The following PLCB1 variants were observed in gnomAD, a reference collection of about 807,000 sequenced individuals.
PLCB1 encodes phospholipase C beta 1.
PLCB1 carries 46 observed loss-of-function variants against 161.8 expected under a neutral mutation model. That is an observed-to-expected ratio of 0.28 (90% CI 0.22 to 0.36). The LOEUF (loss-of-function observed/expected upper bound fraction) is 0.36, where lower values mean the gene tolerates loss of function less well. Among genes scored for constraint, PLCB1 ranks in the 10% least tolerant of loss-of-function variants. The pLI is 1.00. For missense variants in PLCB1, 1,016 were observed against 1,472.5 expected, an observed-to-expected ratio of 0.69 and a Z score of 5.07; for synonymous variants, 517 against 503.7, an observed-to-expected ratio of 1.03 and a Z score of -0.35.
chr20:8,713,937 C>G (rs887163556), intron 12 of PLCB1, among the ~76,000 whole-genome samples: 7 of 152,070 alleles, frequency 4.6e-5, no homozygotes, highest in African/African-American at 1.7e-4. Context: ...GGACATCTCC[C>G]TTAAATTCCT....
chr20:8,309,920 A>G (rs1403302002), intron 2 of PLCB1, among the ~76,000 whole-genome samples: 3 of 152,166 alleles, frequency 2.0e-5, no homozygotes, highest in African/African-American at 7.2e-5. Flanking sequence ...TCTTCAGGTT[A>G]TATATTGCTA....
chr20:8,573,197 G>A (rs1986575475), intron 3 of PLCB1, among the ~76,000 whole-genome samples: 1 of 152,168 alleles, frequency 6.6e-6, no homozygotes, highest in South Asian at 2.1e-4. Context: ...CAAGCAAGAT[G>A]AGAAAGGAAA....
At chr20:8,190,655 T>C (rs1162730429) in intron 2 of PLCB1, among the ~76,000 whole-genome samples, 2 of 152,098 alleles carry the variant, frequency 1.3e-5, no homozygotes, top group Non-Finnish European at 2.9e-5. Context: ...TGGTCTAAAT[T>C]GCCTTCTATT....
At chr20:8,289,711 A>C (rs1983296340) in intron 2 of PLCB1, among the ~76,000 whole-genome samples, 1 of 152,016 alleles carries the variant, frequency 6.6e-6, no homozygotes, top group Admixed American at 6.6e-5. Flanking sequence ...CCTCTGGTGG[A>C]TCTCACAGTG....
intron 2 of PLCB1, among the ~76,000 whole-genome samples, chr20:8,240,114 C>T (rs953781222): frequency 3.3e-5 from 5 of 151,494 alleles, no homozygotes; most frequent in East Asian, 1.9e-4. Flanking sequence ...ATTTTTAAAA[C>T]GAATTGTAAT....
At chr20:8,685,651 C>T (rs1252376852) in intron 10 of PLCB1, among the ~76,000 whole-genome samples, 3 of 150,680 alleles carry the variant, frequency 2.0e-5, no homozygotes, top group Non-Finnish European at 4.4e-5. Flanking sequence ...GCAGGAGAAT[C>T]ACCTGAACCC....
chr20:8,327,309 C>T (rs1231180355), intron 2 of PLCB1, among the ~76,000 whole-genome samples: 2 of 152,184 alleles, frequency 1.3e-5, no homozygotes, highest in African/African-American at 4.8e-5. Flanking sequence ...ACTTGTATGT[C>T]TGAACATGGG....
Position 8,612,875 on chromosome 20 carries a change from A to C in PLCB1, c.247-15419A>C, listed in dbSNP as rs150349096. 3.3e-3 allele frequency among the ~76,000 whole-genome samples: 495 copies of C among 152,290 alleles called. 4 individuals are homozygous for C. The highest frequency in any genetic ancestry group is 0.011 in the African/African-American group (465 of 41,558). On this transcript the variant is annotated intron_variant, in intron 3 of 31. Transcript: ENST00000338037. ...CTGAGACAATCTGAAGAAAGTCACCATCTGTTAATGACTTTTCAGGAAGAA... is the reference window on the plus strand; with the variant it reads ...CTGAGACAATCTGAAGAAAGTCACCCTCTGTTAATGACTTTTCAGGAAGAA...
intron 3 of PLCB1, among the ~76,000 whole-genome samples, chr20:8,524,828 C>G (rs1456694952): frequency 3.3e-5 from 5 of 152,248 alleles, no homozygotes; most frequent in Non-Finnish European, 5.9e-5. Flanking sequence ...CTGAGTAACT[C>G]AAACCCTCTC....
intron 10 of PLCB1, among the ~76,000 whole-genome samples, chr20:8,687,545 C>T (rs1990387673): frequency 6.6e-6 from 1 of 152,118 alleles, no homozygotes; most frequent in Non-Finnish European, 1.5e-5. Context: ...CCTTTGCGTC[C>T]TCATAGCTTA....
At chr20:8,725,461 T>C (rs1272542685) in intron 16 of PLCB1, among the ~76,000 whole-genome samples, 4 of 152,120 alleles carry the variant, frequency 2.6e-5, no homozygotes, top group African/African-American at 4.8e-5. Flanking sequence ...TTTGCCTAAA[T>C]GTACTAGCTT....
chr20:8,698,588 C>T (rs1001853464), intron 11 of PLCB1, among the ~76,000 whole-genome samples: 1 of 152,074 alleles, frequency 6.6e-6, no homozygotes, highest in African/African-American at 2.4e-5. Context: ...TACCTATGGT[C>T]AAGTTGGGTT....
intron 3 of PLCB1, among the ~76,000 whole-genome samples, chr20:8,521,319 A>G (rs1302657544): frequency 1.1e-5 from 1 of 91,856 alleles, no homozygotes; most frequent in African/African-American, 4.8e-5. Flanking sequence ...TAAGACTTAT[A>G]AAAGGGAAAA....
At chr20:8,281,591 A>G (rs551223954) in intron 2 of PLCB1, among the ~76,000 whole-genome samples, 1 of 152,220 alleles carries the variant, frequency 6.6e-6, no homozygotes, top group Non-Finnish European at 1.5e-5. Context: ...CTGCTCCTTA[A>G]TCTGTTTCCA....
intron 3 of PLCB1, among the ~76,000 whole-genome samples, chr20:8,447,267 T>C (rs1363792410): frequency 6.6e-6 from 1 of 152,164 alleles, no homozygotes; most frequent in African/African-American, 2.4e-5. Context: ...TTTTAAGAGC[T>C]AGATTTAGGG....
intron 2 of PLCB1, among the ~76,000 whole-genome samples, chr20:8,186,368 T>C (rs1422381013): frequency 1.3e-5 from 2 of 152,328 alleles, no homozygotes; most frequent in Non-Finnish European, 1.5e-5. Flanking sequence ...TTTAGTTGCA[T>C]ATACCTTGAA....
At chr20:8,866,972 A>C (rs748032816) in intron 31 of PLCB1, among the ~76,000 whole-genome samples, 2 of 152,224 alleles carry the variant, frequency 1.3e-5, no homozygotes, top group Non-Finnish European at 1.5e-5. Context: ...TTATCCTGAT[A>C]AAACCCTAGG....
At chr20:8,202,199 T>C (rs1241714195) in intron 2 of PLCB1, among the ~76,000 whole-genome samples, 10 of 148,308 alleles carry the variant, frequency 6.7e-5, no homozygotes, top group Non-Finnish European at 1.5e-4. Context: ...GCCTCAGCCT[T>C]GTGTGGTAGC....
intron 2 of PLCB1, among the ~76,000 whole-genome samples, chr20:8,264,549 G>A (rs1036180061): frequency 6.6e-6 from 1 of 151,968 alleles, no homozygotes; most frequent in African/African-American, 2.4e-5. Flanking sequence ...ATATAGTTTT[G>A]CTTGTACCAG....
Sources: allele counts gnomAD v4.1 joint callset (sites outside exome capture counted in the v4.1 genomes callset), GRCh38; gene constraint gnomAD v4.1.1; transcripts MANE v1.5; gene names NCBI Gene and HGNC (gene_info 2026-07-23, HGNC 2026-07-21).